EPHA6: variants seen among roughly 807,000 people sequenced by gnomAD.
EPHA6 encodes EPH receptor A6.
In EPHA6, 50 loss-of-function variants were observed where a neutral mutation model predicts 112.0. That is an observed-to-expected ratio of 0.45 (90% CI 0.36 to 0.56). EPHA6 has a LOEUF of 0.56. EPHA6 is among the 20% of genes least tolerant of loss of function. The pLI is 0.00. For synonymous variants in EPHA6, 529 were observed against 490.7 expected, an observed-to-expected ratio of 1.08 and a Z score of -1.03; for missense variants, 1,280 against 1,417.4, an observed-to-expected ratio of 0.90 and a Z score of 1.56.
chr3:97,339,232 G>A (rs1467878122), intron 5 of EPHA6, among the ~76,000 whole-genome samples: 1 of 152,180 alleles, frequency 6.6e-6, no homozygotes, highest in Admixed American at 6.5e-5. Context: ...TATATGAGGA[G>A]CAGATACAGG....
chr3:97,644,713 A>C (rs1375201814), intron 14 of EPHA6, among the ~76,000 whole-genome samples: 2 of 150,222 alleles, frequency 1.3e-5, no homozygotes, highest in African/African-American at 4.9e-5. Flanking sequence ...TCCTTGACAC[A>C]TACACTCTCC....
intron 1 of EPHA6, among the ~76,000 whole-genome samples, chr3:96,823,874 A>G (rs2033462339): frequency 6.6e-6 from 1 of 151,836 alleles, no homozygotes; most frequent in Non-Finnish European, 1.5e-5. Flanking sequence ...GAAACAGAAC[A>G]ACTTTGGAAA....
In EPHA6 at chr3:97,749,070, G is replaced by A. The variant is rs1003882817; in HGVS notation, c.*369G>A. 4.1e-6 allele frequency: 1 copy of A among 245,930 alleles called. No homozygotes were observed. The highest frequency in any genetic ancestry group is 2.2e-5 in the African/African-American group (1 of 46,018). The allele number at this position is 245,930 out of a possible 1,614,324, so 15.2% of individuals were successfully genotyped here. A position where few individuals can be genotyped will look rare whatever the true frequency, so the allele number is the denominator to read the frequency against. On this transcript the variant is annotated 3_prime_UTR_variant, in exon 18 of 18. Coordinates refer to ENST00000389672, the MANE Select transcript of EPHA6 (RefSeq NM_001080448.3). ...ATGTATGTAGAGTGTGATGGTAGATGAGAAAGAACTAGTTGACCTTTCTTT... is the reference window on the plus strand; with the variant it reads ...ATGTATGTAGAGTGTGATGGTAGATAAGAAAGAACTAGTTGACCTTTCTTT...
chr3:96,885,345 C>A (rs2037564222), intron 2 of EPHA6, among the ~76,000 whole-genome samples: 1 of 152,044 alleles, frequency 6.6e-6, no homozygotes, highest in African/African-American at 2.4e-5. Flanking sequence ...TGCTGTAAAT[C>A]CCTCTTGTCC....
intron 14 of EPHA6, among the ~76,000 whole-genome samples, chr3:97,661,340 T>A (rs1298570183): frequency 6.6e-6 from 1 of 152,130 alleles, no homozygotes; most frequent in East Asian, 1.9e-4. Context: ...AGAAAGAAAT[T>A]AATGTAGTTC....
intron 14 of EPHA6, chr3:97,646,190 G>A: frequency 6.5e-7 from 1 of 1,535,794 alleles, no homozygotes; most frequent in Non-Finnish European, 8.7e-7. Context: ...TGTGTGAGCA[G>A]TGCGAGTCCA....
chr3:97,371,501 C>T (rs955594606), intron 5 of EPHA6, among the ~76,000 whole-genome samples: 3 of 152,168 alleles, frequency 2.0e-5, no homozygotes, highest in African/African-American at 7.2e-5. Flanking sequence ...CCTATGCCTG[C>T]TTTACTTTAA....
At chr3:97,507,809 A>C (rs1230108798) in intron 10 of EPHA6, among the ~76,000 whole-genome samples, 1 of 151,462 alleles carries the variant, frequency 6.6e-6, no homozygotes, top group Non-Finnish European at 1.5e-5. Context: ...TTTTTTTGAT[A>C]GGCTATTAAT....
At chr3:97,701,899 T>A (rs1280840668) in intron 14 of EPHA6, among the ~76,000 whole-genome samples, 4 of 152,194 alleles carry the variant, frequency 2.6e-5, no homozygotes, top group African/African-American at 7.2e-5. Context: ...AATTTATAAA[T>A]TGAGTGCCAA....
chr3:96,978,871 C>T (rs1282629333), intron 2 of EPHA6, among the ~76,000 whole-genome samples: 2 of 152,108 alleles, frequency 1.3e-5, no homozygotes, highest in African/African-American at 2.4e-5. Flanking sequence ...CTGAACATCT[C>T]CGCAACTGAA....
intron 11 of EPHA6, among the ~76,000 whole-genome samples, chr3:97,546,050 T>C (rs2092942578): frequency 6.6e-6 from 1 of 152,242 alleles, no homozygotes; most frequent in South Asian, 2.1e-4. Context: ...AATTGGAGCA[T>C]TTAGCCCATT....
chr3:96,979,834 C>A (rs1450230082), intron 2 of EPHA6, among the ~76,000 whole-genome samples: 2 of 152,198 alleles, frequency 1.3e-5, no homozygotes, highest in Non-Finnish European at 2.9e-5. Flanking sequence ...TGCCTTTTGG[C>A]TGCATAAATA....
At chr3:96,874,250 A>G (rs1175944375) in intron 2 of EPHA6, among the ~76,000 whole-genome samples, 7 of 152,144 alleles carry the variant, frequency 4.6e-5, no homozygotes, top group Non-Finnish European at 8.8e-5. Context: ...TTTCCTTTGA[A>G]GCTTAATAAT....
intron 3 of EPHA6, chr3:97,009,864 G>A (rs2044018636): frequency 2.5e-6 from 1 of 392,908 alleles, no homozygotes; most frequent in Non-Finnish European, 5.0e-6. Context: ...TGGCTCTCAG[G>A]TAGGCCACCA....
intron 12 of EPHA6, among the ~76,000 whole-genome samples, chr3:97,606,411 A>G (rs542070071): frequency 1.3e-5 from 2 of 151,474 alleles, no homozygotes; most frequent in South Asian, 4.1e-4. Flanking sequence ...AACAGATTTT[A>G]TGTAGAATCA....
intron 9 of EPHA6, 106 bp from the exon 10 acceptor site, chr3:97,483,828 T>A (rs547321302): frequency 8.4e-7 from 1 of 1,184,708 alleles, no homozygotes; most frequent in Non-Finnish European, 1.1e-6. Context: ...TAAATCATTA[T>A]CAAGACTGAC....
chr3:97,254,633 G>A lies in EPHA6; in HGVS notation c.1606+10346G>A, dbSNP rs553544235. Among the ~76,000 whole-genome samples the A allele has an allele frequency of 3.9e-5, 6 of 152,242 alleles. No homozygotes were observed. The East Asian group carries it at 7.7e-4, about 20-fold the overall frequency. ...ATAAGGTGATGGTTTTCACATGCTTGAAGTAATCTAAAGAGAATGTAGAGT... is the reference window on the plus strand; with the variant it reads ...ATAAGGTGATGGTTTTCACATGCTTAAAGTAATCTAAAGAGAATGTAGAGT... On this transcript the variant is annotated intron_variant, in intron 5 of 17. Transcript: ENST00000389672.
intron 10 of EPHA6, among the ~76,000 whole-genome samples, chr3:97,497,422 A>G (rs1163204689): frequency 1.3e-5 from 2 of 152,100 alleles, no homozygotes; most frequent in Middle Eastern, 3.2e-3. Context: ...TGACAATGCA[A>G]ATTTATCAGA....
At chr3:96,916,448 A>G (rs1381638122) in intron 2 of EPHA6, among the ~76,000 whole-genome samples, 1 of 152,192 alleles carries the variant, frequency 6.6e-6, no homozygotes, top group African/African-American at 2.4e-5. Flanking sequence ...ATCCTAATGT[A>G]CTTACTGAAC....
Sources: allele counts gnomAD v4.1 joint callset (sites outside exome capture counted in the v4.1 genomes callset), GRCh38; gene constraint gnomAD v4.1.1; transcripts MANE v1.5; gene names NCBI Gene and HGNC (gene_info 2026-07-23, HGNC 2026-07-21).